Variants in FOXN3 observed in about 807,000 individuals in gnomAD.
FOXN3 encodes forkhead box N3.
In FOXN3, 7 loss-of-function variants were observed where a neutral mutation model predicts 38.4. That is an observed-to-expected ratio of 0.18 (90% CI 0.10 to 0.34). The LOEUF (loss-of-function observed/expected upper bound fraction) is 0.34, where lower values mean the gene tolerates loss of function less well. FOXN3 is among the 10% of genes least tolerant of loss of function. The pLI is 1.00. For missense variants in FOXN3, 456 were observed against 613.4 expected, an observed-to-expected ratio of 0.74 and a Z score of 2.71; for synonymous variants, 230 against 242.2, an observed-to-expected ratio of 0.95 and a Z score of 0.47.
At chr14:89,576,120 C>T (rs1281505107) in intron 1 of FOXN3, 2 of 152,128 alleles carry the variant, frequency 1.3e-5, no homozygotes, top group African/African-American at 4.8e-5. Flanking sequence ...TTCTGGGAGC[C>T]CCAGGGGGAA....
chr14:89,501,358 C>T (rs1053664070), intron 1 of FOXN3, among the ~76,000 whole-genome samples: 8 of 152,132 alleles, frequency 5.3e-5, no homozygotes, highest in Admixed American at 3.3e-4. Flanking sequence ...CACAGCAGCT[C>T]ACGATGGCGG....
In FOXN3 at chr14:89,348,258, G is replaced by A. The variant is rs139531573; in HGVS notation, c.680+2414C>T. On this transcript the variant is annotated intron_variant, in intron 3 of 5. Transcript: ENST00000557258. Reference sequence around the variant, plus strand: ...GCAAGGGGCTGACGGGTGATTCCCCGCATCACAGTGGACCCAGCCAGATCA... The same window carrying A: ...GCAAGGGGCTGACGGGTGATTCCCCACATCACAGTGGACCCAGCCAGATCA... Among the ~76,000 whole-genome samples, 719 of 152,140 alleles carry A rather than the reference G, an allele frequency of 4.7e-3. 3 individuals are homozygous for A. Among genetic ancestry groups the A allele is most frequent in the Non-Finnish European group, 7.1e-3 (483 of 68,002 alleles).
At chr14:89,258,424 G>A (rs1251677520) in intron 4 of FOXN3, among the ~76,000 whole-genome samples, 2 of 152,148 alleles carry the variant, frequency 1.3e-5, no homozygotes, top group South Asian at 2.1e-4. Flanking sequence ...TGATGATGAC[G>A]ATGATGATGA....
chr14:89,215,788 T>A (rs1011254478), intron 4 of FOXN3, among the ~76,000 whole-genome samples: 3 of 152,144 alleles, frequency 2.0e-5, no homozygotes, highest in African/African-American at 4.8e-5. Context: ...ACAGCAACAT[T>A]CCTGCGTCTG....
At chr14:89,346,699 C>T (rs574999666) in intron 3 of FOXN3, among the ~76,000 whole-genome samples, 36 of 152,260 alleles carry the variant, frequency 2.4e-4, no homozygotes, top group African/African-American at 8.4e-4. Context: ...CTTTTCCATG[C>T]TCTCATCTTT....
chr14:89,375,059 G>A (rs936353691), intron 2 of FOXN3, among the ~76,000 whole-genome samples: 3 of 151,956 alleles, frequency 2.0e-5, no homozygotes, highest in Non-Finnish European at 4.4e-5. Flanking sequence ...GGGACAGAAA[G>A]TGGTCACACC....
At position 89,281,755 on chromosome 14, in the gene FOXN3, G is replaced by C. The variant is rs74506057; in HGVS notation, c.681-741C>G. ...AGCCAGCCTTAGTAAAATGTCCTTAGAGTGGAAAGTAGGTTATATTCTAAA... is the reference window on the plus strand; with the variant it reads ...AGCCAGCCTTAGTAAAATGTCCTTACAGTGGAAAGTAGGTTATATTCTAAA... On this transcript the variant is annotated intron_variant, in intron 3 of 5. Coordinates refer to ENST00000557258, the MANE Select transcript of FOXN3 (RefSeq NM_005197.4). Among the ~76,000 whole-genome samples, 41 of 152,252 alleles carry C rather than the reference G, an allele frequency of 2.7e-4. No homozygotes were observed. The East Asian group carries it at 6.6e-3, about 24-fold the overall frequency.
At chr14:89,231,355 A>G (rs1884801893) in intron 4 of FOXN3, among the ~76,000 whole-genome samples, 1 of 152,228 alleles carries the variant, frequency 6.6e-6, no homozygotes, top group Non-Finnish European at 1.5e-5. Flanking sequence ...CTGTTTGGCC[A>G]AGAGAGACAC....
intron 3 of FOXN3, among the ~76,000 whole-genome samples, chr14:89,332,694 CAT>C (rs1029952470): frequency 6.6e-6 from 1 of 152,076 alleles, no homozygotes; most frequent in Non-Finnish European, 1.5e-5. Context: ...CAAAAGCAAA[CAT>C]AAGTGGGACT....
At chr14:89,539,064 G>C (rs372224247) in intron 1 of FOXN3, among the ~76,000 whole-genome samples, 1 of 151,924 alleles carries the variant, frequency 6.6e-6, no homozygotes, top group South Asian at 2.1e-4. Context: ...GGCTGGTCTC[G>C]AACTCCTGAC....
intron 3 of FOXN3, among the ~76,000 whole-genome samples, chr14:89,318,441 G>C (rs994392291): frequency 4.6e-5 from 7 of 152,100 alleles, no homozygotes; most frequent in African/African-American, 1.7e-4. Context: ...TTACAGGTGT[G>C]AGCCAACACA....
chr14:89,253,392 G>GTTCCAGTT (rs1885522427), intron 4 of FOXN3, among the ~76,000 whole-genome samples: 1 of 152,130 alleles, frequency 6.6e-6, no homozygotes, highest in Non-Finnish European at 1.5e-5. Context: ...TGGAGATTCG[G>GTTCCAGTT]TTCCAGTTTT....
chr14:89,360,747 T>TCCAGCACCACCA (rs1566966377), intron 2 of FOXN3, among the ~76,000 whole-genome samples: 1 of 67,502 alleles, frequency 1.5e-5, no homozygotes, highest in Non-Finnish European at 2.7e-5. Flanking sequence ...CAGCACCACC[T>TCCAGCACCACCA]CCACCACCAC....
chr14:89,190,573 G>A (rs926716650), intron 4 of FOXN3: 3 of 683,402 alleles, frequency 4.4e-6, no homozygotes, highest in South Asian at 4.4e-5. Flanking sequence ...GCAACTGGAT[G>A]AGCTATCCCA....
chr14:89,550,611 A>T (rs1198341082), intron 1 of FOXN3, among the ~76,000 whole-genome samples: 1 of 152,238 alleles, frequency 6.6e-6, no homozygotes, highest in African/African-American at 2.4e-5. Flanking sequence ...GTGACTTGTC[A>T]CCAAGAGATG....
chr14:89,354,425 C>A (rs1393824828), intron 2 of FOXN3, among the ~76,000 whole-genome samples: 6 of 150,912 alleles, frequency 4.0e-5, no homozygotes, highest in Non-Finnish European at 5.9e-5. Flanking sequence ...AGGGTTTCTC[C>A]ATGTTGGCCA....
At chr14:89,380,595 G>A (rs1010691117) in intron 2 of FOXN3, among the ~76,000 whole-genome samples, 1 of 152,174 alleles carries the variant, frequency 6.6e-6, no homozygotes, top group Admixed American at 6.5e-5. Flanking sequence ...GCATGAAGGC[G>A]ACTGGAACCA....
chr14:89,184,141 G>T (rs1471123073), intron 4 of FOXN3: 1 of 152,238 alleles, frequency 6.6e-6, no homozygotes, highest in Non-Finnish European at 1.5e-5. Flanking sequence ...CATGCTGGAA[G>T]AATGTAGCCA....
At chr14:89,583,156 C>T (rs946185118) in intron 1 of FOXN3, among the ~76,000 whole-genome samples, 1 of 152,168 alleles carries the variant, frequency 6.6e-6, no homozygotes, top group Admixed American at 6.5e-5. Flanking sequence ...ATGAGTAGAT[C>T]ATATGGTAGA....
Sources: allele counts gnomAD v4.1 joint callset (sites outside exome capture counted in the v4.1 genomes callset), GRCh38; gene constraint gnomAD v4.1.1; transcripts MANE v1.5; gene names NCBI Gene and HGNC (gene_info 2026-07-23, HGNC 2026-07-21).